STXBP5: variants seen among roughly 807,000 people sequenced by gnomAD.
STXBP5 encodes the protein syntaxin-binding protein 5.
A neutral mutation model predicts 152.4 loss-of-function variants in STXBP5; 50 were observed. That is an observed-to-expected ratio of 0.33 (90% CI 0.26 to 0.42). The LOEUF is 0.42. Ranked by LOEUF, STXBP5 falls within the 10% of genes least tolerant of loss-of-function variation. STXBP5 has a pLI of 1.00. For synonymous variants in STXBP5, 492 were observed against 494.7 expected, an observed-to-expected ratio of 0.99 and a Z score of 0.07; for missense variants, 1,167 against 1,388.6, an observed-to-expected ratio of 0.84 and a Z score of 2.54.
intron 4 of STXBP5, among the ~76,000 whole-genome samples, chr6:147,248,891 A>G (rs1243171603): frequency 6.6e-6 from 1 of 152,154 alleles, no homozygotes; most frequent in South Asian, 2.1e-4. Flanking sequence ...AAAGGCTCAG[A>G]GTGTGAGAAG....
chr6:147,309,583 G>A (rs897415609), intron 9 of STXBP5, among the ~76,000 whole-genome samples: 1 of 152,070 alleles, frequency 6.6e-6, no homozygotes, highest in Non-Finnish European at 1.5e-5. Flanking sequence ...ATCAGCCAAG[G>A]TTCTAGAAGA....
intron 2 of STXBP5, among the ~76,000 whole-genome samples, chr6:147,229,685 G>C (rs1777897243): frequency 6.6e-6 from 1 of 151,762 alleles, no homozygotes; most frequent in South Asian, 2.1e-4. Context: ...CATTGCCAGG[G>C]TATGATTTTT....
chr6:147,270,654 T>C (rs150334946), intron 7 of STXBP5, among the ~76,000 whole-genome samples: 1 of 152,214 alleles, frequency 6.6e-6, no homozygotes, highest in Non-Finnish European at 1.5e-5. Context: ...AAGACAAATG[T>C]TATGAGATGG....
rs543920711 is a variant in STXBP5, at chr6:147,230,566, A to G, written c.249-4684A>G. Among the ~76,000 whole-genome samples the G allele has an allele frequency of 1.4e-3, 214 of 152,050 alleles. 2 individuals are homozygous for G. The highest frequency in any genetic ancestry group is 5.1e-3 in the African/African-American group (210 of 41,534). On this transcript the variant is annotated intron_variant, in intron 2 of 27. Transcript: ENST00000321680. Reference sequence around the variant, plus strand: ...TTAAGTACCCAGTTGTGAAACGTTGATTATAAATATATGTTCCTTTTCCAG... The same window carrying G: ...TTAAGTACCCAGTTGTGAAACGTTGGTTATAAATATATGTTCCTTTTCCAG...
At chr6:147,262,177 T>G in intron 5 of STXBP5, 113 bp from the exon 6 acceptor site, 1 of 688,572 alleles carries the variant, frequency 1.5e-6, no homozygotes, top group Non-Finnish European at 2.4e-6. Flanking sequence ...CTGAAATCCT[T>G]TCTTTCTTTA....
intron 5 of STXBP5, among the ~76,000 whole-genome samples, chr6:147,261,959 G>A (rs1267902989): frequency 1.3e-5 from 2 of 151,676 alleles, no homozygotes; most frequent in Non-Finnish European, 2.9e-5. Context: ...AATAAGATAG[G>A]TGCTGCATTA....
chr6:147,287,001 G>A lies in STXBP5; in HGVS notation c.839-4093G>A, dbSNP rs1247834379. On this transcript the variant is annotated intron_variant, in intron 8 of 27. Transcript: ENST00000321680. ...AAATTAGGATTATGTTAGTGTTTTT[G>A]CATCTTTAAAATTTTTTAAAATTTT... Among the ~76,000 whole-genome samples, 14 of 149,384 alleles carry A rather than the reference G, an allele frequency of 9.4e-5. No individual in the cohort carries two copies. In the Admixed American group the frequency reaches 9.4e-4, roughly 10 times the overall value.
chr6:147,290,950 G>C (rs577126025), intron 8 of STXBP5, 144 bp from the exon 9 acceptor site: 2 of 512,366 alleles, frequency 3.9e-6, no homozygotes, highest in East Asian at 3.2e-5. Flanking sequence ...ATATCTTACT[G>C]TGTATTAAAT....
intron 7 of STXBP5, among the ~76,000 whole-genome samples, chr6:147,274,864 T>TTAAGAA (rs1283360859): frequency 6.6e-6 from 1 of 152,016 alleles, no homozygotes; most frequent in Non-Finnish European, 1.5e-5. Context: ...ATAATTAAAA[T>TTAAGAA]TAAGAATATT....
intron 9 of STXBP5, among the ~76,000 whole-genome samples, chr6:147,291,781 C>T (rs1223939761): frequency 6.6e-6 from 1 of 152,024 alleles, no homozygotes; most frequent in African/African-American, 2.4e-5. Flanking sequence ...GAAGATTCCA[C>T]ATCTCTTTAA....
In STXBP5 at chr6:147,310,162, GA is replaced by G; in HGVS notation, c.1000del (p.Ser334AlafsTer5). 1 of 1,605,926 alleles carries G rather than the reference GA, an allele frequency of 6.2e-7. No homozygotes were observed. ...GACCTTGCTTAACAGTGATGCATGG[GA>G]AAAGCACTGCTGTGCTAGAAATGGA... ...RRPCLTVMHGKSTAVLEMDYS... is the reference protein window; with the variant it reads ...RRPCLTVMHGXSTAVLEMDYS... On this transcript the variant is annotated frameshift_variant, in exon 10 of 28. Transcript: ENST00000321680. LOFTEE classifies it high-confidence loss of function.
Position 147,388,589 on chromosome 6 carries a change from A to G in STXBP5, c.*3834A>G, listed in dbSNP as rs1786446738. 1 of 151,506 alleles carries G rather than the reference A, an allele frequency of 6.6e-6. No individual in the cohort carries two copies. The highest frequency in any genetic ancestry group is 2.4e-5 in the African/African-American group (1 of 41,392). The allele number at this position is 151,506 out of a possible 1,614,324, so 9.4% of individuals were successfully genotyped here. A position where few individuals can be genotyped will look rare whatever the true frequency, so the allele number is the denominator to read the frequency against. The stretch of plus-strand genomic sequence containing the variant: ...ATAATAAGAAATACTGGTATCTCAT[A>G]TCGAGATACAATTAATTTTAAAAAA... On this transcript the variant is annotated 3_prime_UTR_variant, in exon 28 of 28. Transcript: ENST00000321680.
chr6:147,334,207 A>G lies in STXBP5; in HGVS notation c.2131A>G (p.Lys711Glu), dbSNP rs1040009085. ...EGTVVPEDRCKSPTSGSSSPH... is the reference protein window; with the variant it reads ...EGTVVPEDRCESPTSGSSSPH... ...GACTGTTGTTCCAGAGGATCGCTGCAAATCTCCAACCTCTGGTAATTTGGT... is the reference window on the plus strand; with the variant it reads ...GACTGTTGTTCCAGAGGATCGCTGCGAATCTCCAACCTCTGGTAATTTGGT... The change falls in exon 19 of 28, where the codon AAA becomes GAA. Residue 711 changes from lysine to glutamate, a missense_variant. Lys to Glu is a moderately conservative substitution (Grantham distance 56). This residue lies in a region of STXBP5 where 833 missense variants were observed against 986.3 expected (regional missense o/e 0.84). Coordinates refer to ENST00000321680, the MANE Select transcript of STXBP5 (RefSeq NM_001127715.4). 1 of 1,612,510 alleles carries G rather than the reference A, an allele frequency of 6.2e-7. No individual in the cohort carries two copies. Among genetic ancestry groups the G allele is most frequent in the African/African-American group, 1.3e-5 (1 of 75,004 alleles).
intron 7 of STXBP5, among the ~76,000 whole-genome samples, chr6:147,270,076 CA>C (rs1367900794): frequency 3.3e-5 from 5 of 151,924 alleles, no homozygotes; most frequent in African/African-American, 1.2e-4. Flanking sequence ...TTTTAAAAGC[CA>C]CATTAAGTAC....
At chr6:147,260,163 G>A (rs937849895) in intron 4 of STXBP5, among the ~76,000 whole-genome samples, 5 of 152,106 alleles carry the variant, frequency 3.3e-5, no homozygotes, top group Non-Finnish European at 7.4e-5. Context: ...TTGAATCTTT[G>A]AAGAGAAGAA....
At chr6:147,288,528 G>T (rs1464398749) in intron 8 of STXBP5, among the ~76,000 whole-genome samples, 1 of 152,112 alleles carries the variant, frequency 6.6e-6, no homozygotes, top group Non-Finnish European at 1.5e-5. Flanking sequence ...TAGTGGCTTG[G>T]TCATTCTCCA....
At chr6:147,205,882 G>T in intron 1 of STXBP5, 89 bp from the exon 2 acceptor site, 1 of 927,892 alleles carries the variant, frequency 1.1e-6, no homozygotes, top group South Asian at 1.4e-5. Context: ...CAGTGGTAGT[G>T]GTTCTAAATT....
intron 4 of STXBP5, among the ~76,000 whole-genome samples, chr6:147,256,225 A>G (rs1274721876): frequency 6.6e-6 from 1 of 152,194 alleles, no homozygotes; most frequent in African/African-American, 2.4e-5. Context: ...AGTGTCTTCT[A>G]CTGTTCAGAT....
At chr6:147,261,516 C>T (rs1004687359) in intron 5 of STXBP5, among the ~76,000 whole-genome samples, 2 of 151,864 alleles carry the variant, frequency 1.3e-5, no homozygotes, top group Non-Finnish European at 2.9e-5. Flanking sequence ...TGGTATTTAC[C>T]TCTTTTTGAG....
Sources: gnomAD v4.1 joint callset for allele counts (sites outside exome capture counted in the v4.1 genomes callset) on GRCh38, gnomAD v4.1.1 for gene constraint, gnomAD v4.1.1 regional missense constraint, MANE v1.5 for transcripts, NCBI Gene and HGNC (gene_info 2026-07-23, HGNC 2026-07-21) for gene names.